SETBP1: variants seen among roughly 807,000 people sequenced by gnomAD.
The protein encoded by SETBP1 is SET-binding protein.
Under a neutral mutation model 101.0 loss-of-function variants are expected in SETBP1, and 9 were observed. The observed-to-expected ratio is 0.09, with a 90% CI of 0.05 to 0.16. The LOEUF (loss-of-function observed/expected upper bound fraction) is 0.16, where lower values mean the gene tolerates loss of function less well. Ranked by LOEUF, SETBP1 falls within the 10% of genes least tolerant of loss-of-function variation. The pLI is 1.00. For synonymous variants in SETBP1, 818 were observed against 788.5 expected (o/e 1.04, Z -0.63); for missense variants, 1,858 against 2,033.8 (o/e 0.91, Z 1.66).
intron 5 of SETBP1, among the ~76,000 whole-genome samples, chr18:45,056,151 A>G (rs913750655): frequency 2.0e-5 from 3 of 152,232 alleles, no homozygotes; most frequent in African/African-American, 7.2e-5. Flanking sequence ...CAACTCATGT[A>G]TACAGTTTGG....
intron 4 of SETBP1, among the ~76,000 whole-genome samples, chr18:45,005,090 T>C (rs187175517): frequency 7.5e-4 from 114 of 152,254 alleles, no homozygotes; most frequent in African/African-American, 2.5e-3. Flanking sequence ...AAACTAATAT[T>C]ATGACAAGAG....
intron 1 of SETBP1, among the ~76,000 whole-genome samples, chr18:44,684,029 A>G (rs1323846723): frequency 6.6e-6 from 1 of 152,188 alleles, no homozygotes; most frequent in East Asian, 1.9e-4. Flanking sequence ...GTGGGAGCAC[A>G]GGAGGCTGCC....
chr18:44,771,939 G>A (rs2070883983), intron 2 of SETBP1, among the ~76,000 whole-genome samples: 1 of 152,208 alleles, frequency 6.6e-6, no homozygotes, highest in African/African-American at 2.4e-5. Context: ...CTTCCTATGT[G>A]TACGATTCCA....
chr18:44,885,066 C>T (rs1376105449), intron 3 of SETBP1, among the ~76,000 whole-genome samples: 1 of 152,042 alleles, frequency 6.6e-6, no homozygotes, highest in Non-Finnish European at 1.5e-5. Flanking sequence ...AAGATGGGAC[C>T]TTGTCACTTT....
intron 3 of SETBP1, among the ~76,000 whole-genome samples, chr18:44,874,644 C>T (rs1013459430): frequency 7.2e-5 from 11 of 152,124 alleles, no homozygotes; most frequent in African/African-American, 2.4e-4. Context: ...TGAGGGCCCA[C>T]GAGAAGTGCA....
intron 2 of SETBP1, among the ~76,000 whole-genome samples, chr18:44,838,873 G>C (rs1302737842): frequency 6.6e-6 from 1 of 152,090 alleles, no homozygotes; most frequent in African/African-American, 2.4e-5. Context: ...AATGCCTGGA[G>C]CTGACAGTTG....
In SETBP1 at chr18:45,021,548, A is replaced by G. The variant is rs559694713; in HGVS notation, c.4001-16937A>G. On this transcript the variant is annotated intron_variant, in intron 4 of 5. Transcript: ENST00000649279. ...TCTTTCGTGTGTTCAAAGCTTTTTC[A>G]TAATTGGAGAATGAGCATTATAGGA... Among the ~76,000 whole-genome samples the G allele has an allele frequency of 9.9e-5, 15 of 152,226 alleles. 1 individual carries two copies. The highest frequency in any genetic ancestry group is 4.8e-5 in the African/African-American group (2 of 41,544).
At chr18:44,874,422 G>C (rs554081532) in intron 3 of SETBP1, among the ~76,000 whole-genome samples, 2 of 152,284 alleles carry the variant, frequency 1.3e-5, no homozygotes, top group South Asian at 2.1e-4. Flanking sequence ...ATAGATGAAG[G>C]TTCCTCAATG....
chr18:44,804,783 G>C (rs1398650204), intron 2 of SETBP1, among the ~76,000 whole-genome samples: 3 of 152,060 alleles, frequency 2.0e-5, no homozygotes, highest in African/African-American at 7.2e-5. Context: ...TTAGTAAAAA[G>C]AATGAGCTCA....
chr18:44,897,331 A>G (rs2069930162), intron 3 of SETBP1, among the ~76,000 whole-genome samples: 1 of 152,098 alleles, frequency 6.6e-6, no homozygotes, highest in African/African-American at 2.4e-5. Flanking sequence ...CCTTCTGTAT[A>G]TTAGAAAGGG....
At chr18:44,922,180 C>T (rs376089134) in intron 3 of SETBP1, among the ~76,000 whole-genome samples, 42 of 152,292 alleles carry the variant, frequency 2.8e-4, no homozygotes, top group African/African-American at 7.9e-4. Flanking sequence ...GGAGCGCATG[C>T]GCAGGAAGAG....
At chr18:44,941,174 TG>T (rs2071082419) in intron 3 of SETBP1, among the ~76,000 whole-genome samples, 1 of 148,832 alleles carries the variant, frequency 6.7e-6, no homozygotes, top group African/African-American at 2.5e-5. Flanking sequence ...CTCCACTTCC[TG>T]GTTTCAAGCA....
intron 4 of SETBP1, among the ~76,000 whole-genome samples, chr18:45,011,925 T>C (rs540936858): frequency 6.6e-6 from 1 of 152,274 alleles, no homozygotes; most frequent in South Asian, 2.1e-4. Flanking sequence ...TGGTTGTCGA[T>C]GATGTTGTTA....
intron 3 of SETBP1, among the ~76,000 whole-genome samples, chr18:44,936,243 G>C (rs2070953404): frequency 6.6e-6 from 1 of 151,566 alleles, no homozygotes. Flanking sequence ...GCTGCTGCTG[G>C]AAAAGACAGA....
chr18:44,793,544 G>C (rs2071407777), intron 2 of SETBP1, among the ~76,000 whole-genome samples: 2 of 152,236 alleles, frequency 1.3e-5, no homozygotes, highest in African/African-American at 2.4e-5. Flanking sequence ...CTGAATTAGA[G>C]ACTTGGGTGG....
At chr18:44,912,966 CA>C (rs2070347375) in intron 3 of SETBP1, among the ~76,000 whole-genome samples, 1 of 152,178 alleles carries the variant, frequency 6.6e-6, no homozygotes, top group South Asian at 2.1e-4. Flanking sequence ...TCAGCAACCA[CA>C]AACCAAAAAG....
chr18:44,810,298 C>T (rs1388940896), intron 2 of SETBP1, among the ~76,000 whole-genome samples: 1 of 152,164 alleles, frequency 6.6e-6, no homozygotes, highest in Non-Finnish European at 1.5e-5. Flanking sequence ...TCCTGAACAC[C>T]CATCTAACAT....
rs536846104 is a variant in SETBP1, at chr18:45,055,460, T to G, written c.4172-7619T>G. ...CTATTATTAATGAAACAAAAATATTTTTGTTGCTATCAAAATGTTATACTG... is the reference window on the plus strand; with the variant it reads ...CTATTATTAATGAAACAAAAATATTGTTGTTGCTATCAAAATGTTATACTG... On this transcript the variant is annotated intron_variant, in intron 5 of 5. Transcript: ENST00000649279. 5.9e-5 allele frequency among the ~76,000 whole-genome samples: 9 copies of G among 152,326 alleles called. No individual in the cohort carries two copies. In the South Asian group the frequency reaches 1.5e-3, roughly 25 times the overall value.
intron 2 of SETBP1, among the ~76,000 whole-genome samples, chr18:44,851,714 G>T (rs1262762871): frequency 6.6e-6 from 1 of 152,102 alleles, no homozygotes; most frequent in African/African-American, 2.4e-5. Context: ...TAAGATGAGA[G>T]AGTGTTAGAA....
Sources: gnomAD v4.1 joint callset for allele counts (sites outside exome capture counted in the v4.1 genomes callset) on GRCh38, gnomAD v4.1.1 for gene constraint, MANE v1.5 for transcripts, NCBI Gene and HGNC (gene_info 2026-07-23, HGNC 2026-07-21) for gene names.